ATP9B: variants seen among roughly 807,000 people sequenced by gnomAD.
The protein encoded by ATP9B is probable phospholipid-transporting ATPase IIB.
ATP9B carries 110 observed loss-of-function variants against 146.1 expected under a neutral mutation model. The observed-to-expected ratio is 0.75, with a 90% confidence interval of 0.65 to 0.88. The LOEUF is 0.88. Ranked by LOEUF, ATP9B falls within the 40% of genes least tolerant of loss-of-function variation. The pLI, the probability that ATP9B is intolerant of heterozygous loss-of-function variation, is 0.00. For missense variants in ATP9B, 1,499 were observed against 1,496.4 expected (o/e 1.00, Z -0.03); for synonymous variants, 604 against 569.7 (o/e 1.06, Z -0.86).
chr18:79,109,629 T>C (rs757659101), intron 2 of ATP9B, among the ~76,000 whole-genome samples: 1 of 151,602 alleles, frequency 6.6e-6, no homozygotes, highest in Non-Finnish European at 1.5e-5. Context: ...GCAGTGGCAT[T>C]GTCTTGGCTC....
At chr18:79,154,933 G>A (rs936881551) in intron 7 of ATP9B, among the ~76,000 whole-genome samples, 1 of 152,030 alleles carries the variant, frequency 6.6e-6, no homozygotes, top group East Asian at 1.9e-4. Flanking sequence ...TATTTAAAAG[G>A]GTGTTTGCTG....
At chr18:79,184,525 A>T (rs2095286082) in intron 8 of ATP9B, among the ~76,000 whole-genome samples, 1 of 152,010 alleles carries the variant, frequency 6.6e-6, no homozygotes, top group Non-Finnish European at 1.5e-5. Context: ...TTGTGAAATA[A>T]GTCTGTTCTA....
chr18:79,225,747 G>A (rs2095725351), intron 11 of ATP9B, among the ~76,000 whole-genome samples: 1 of 133,602 alleles, frequency 7.5e-6, no homozygotes, highest in African/African-American at 3.3e-5. Context: ...CTTGGGTCCC[G>A]CAGTCGCAGG....
At chr18:79,241,226 G>A (rs1043513854) in intron 11 of ATP9B, among the ~76,000 whole-genome samples, 1 of 152,006 alleles carries the variant, frequency 6.6e-6, no homozygotes, top group Non-Finnish European at 1.5e-5. Flanking sequence ...TTTTGACTGC[G>A]TTTTTTTCTC....
At chr18:79,327,597 C>CCTCCCTGGTTAGCGTGCT (rs1568698133) in intron 15 of ATP9B, among the ~76,000 whole-genome samples, 1 of 66,174 alleles carries the variant, frequency 1.5e-5, no homozygotes, top group African/African-American at 6.3e-5. Context: ...GTTAACGTGC[C>CCTCCCTGGTTAGCGTGCT]CTCCGTGGTT....
intron 4 of ATP9B, among the ~76,000 whole-genome samples, chr18:79,118,405 T>G (rs951539939): frequency 5.1e-5 from 7 of 136,298 alleles, no homozygotes; most frequent in African/African-American, 1.4e-4. Context: ...TTTTTTTTTT[T>G]TTTTTTTTTT....
At position 79,256,286 on chromosome 18, in the gene ATP9B, T is replaced by TATATATATACACACACAC. The variant is rs398033647; in HGVS notation, c.1268+2746_1268+2747insTATATATACACACACACA. 1.2e-3 allele frequency among the ~76,000 whole-genome samples: 153 copies of TATATATATACACACACAC among 123,052 alleles called. 3 individuals carry two copies. The highest frequency in any genetic ancestry group is 4.3e-3 in the Admixed American group (53 of 12,430). 80.7% of individuals were successfully genotyped at this position (123,052 alleles called of 152,430 possible). On this transcript the variant is annotated intron_variant, in intron 12 of 29. Transcript: ENST00000426216. ...ATATATATATATATATATATATATA[T>TATATATATACACACACAC]ACATACATAGTGAGGCTATGTTATT... is the stretch of plus-strand genomic sequence containing the variant.
intron 13 of ATP9B, among the ~76,000 whole-genome samples, chr18:79,284,287 T>C (rs2145918872): frequency 6.6e-6 from 1 of 152,286 alleles, no homozygotes; most frequent in African/African-American, 2.4e-5. Flanking sequence ...ATGAGTAGCC[T>C]TACTGGTTCT....
intron 10 of ATP9B, 150 bp downstream of exon 10, chr18:79,207,162 A>G (rs1253135912): frequency 1.4e-6 from 1 of 703,676 alleles, no homozygotes; most frequent in Non-Finnish European, 2.4e-6. Context: ...GGTCTGAGAC[A>G]GTCCTGGGAG....
chr18:79,292,478 T>TTAAGAC (rs140074244), intron 13 of ATP9B, among the ~76,000 whole-genome samples: 2,309 of 152,314 alleles, frequency 0.015, 59 homozygotes, highest in African/African-American at 0.053. Context: ...TTTCATTGTG[T>TTAAGAC]TAAGACGGCA....
chr18:79,162,042 T>C (rs540848425), intron 7 of ATP9B, among the ~76,000 whole-genome samples: 19 of 152,376 alleles, frequency 1.2e-4, no homozygotes, highest in Middle Eastern at 3.4e-3. Flanking sequence ...AGACTACAAA[T>C]GTACTGAATT....
At chr18:79,329,519 A>G (rs778795737) in intron 16 of ATP9B, among the ~76,000 whole-genome samples, 3 of 152,038 alleles carry the variant, frequency 2.0e-5, no homozygotes, top group Non-Finnish European at 4.4e-5. Context: ...TCCTAAGTCA[A>G]CCTAGCCAGA....
chr18:79,171,043 G>T (rs573192931), intron 7 of ATP9B, among the ~76,000 whole-genome samples: 1 of 152,274 alleles, frequency 6.6e-6, no homozygotes, highest in African/African-American at 2.4e-5. Context: ...CTTTGCTAAT[G>T]AGCATATTTT....
In ATP9B at chr18:79,345,507, C is replaced by T. The variant is rs1422230460; in HGVS notation, c.2552C>T (p.Pro851Leu). The T allele has an allele frequency of 6.2e-7, 1 of 1,613,156 alleles. No individual in the cohort carries two copies. The highest frequency in any genetic ancestry group is 1.3e-5 in the African/African-American group (1 of 75,050). The change falls in exon 22 of 30, where the codon CCC (proline) becomes CTC (leucine). Residue 851 changes from proline to leucine, a missense_variant. By Grantham distance (98) the Pro-to-Leu change is moderately conservative. Coordinates refer to ENST00000426216, the MANE Select transcript of ATP9B (RefSeq NM_198531.5). Reference protein sequence around the residue: ...CPAVVCCRCSPTQKARIVTLL... With the variant: ...CPAVVCCRCSLTQKARIVTLL... ...GCCGTGGTTTGCTGCCGCTGCTCACCCACCCAGAAGGCCCGCATTGTGACA... is the reference window on the plus strand; with the variant it reads ...GCCGTGGTTTGCTGCCGCTGCTCACTCACCCAGAAGGCCCGCATTGTGACA...
At chr18:79,171,057 T>G (rs1007468666) in intron 7 of ATP9B, among the ~76,000 whole-genome samples, 1 of 152,236 alleles carries the variant, frequency 6.6e-6, no homozygotes, top group African/African-American at 2.4e-5. Flanking sequence ...ATATTTTGTT[T>G]AGTCTAATTG....
chr18:79,337,236 C>A, intron 18 of ATP9B, 43 bp from the exon 19 acceptor site: 1 of 1,607,772 alleles, frequency 6.2e-7, no homozygotes. Flanking sequence ...CCACACACAG[C>A]ACGTACACGT....
intron 2 of ATP9B, among the ~76,000 whole-genome samples, chr18:79,101,332 TA>T (rs537604321): frequency 2.2e-3 from 336 of 152,338 alleles, no homozygotes; most frequent in Non-Finnish European, 2.1e-3. Context: ...AAAATTGTTC[TA>T]TTTTTTTTCC....
chr18:79,071,315 A>G (rs2071745166), intron 1 of ATP9B, among the ~76,000 whole-genome samples: 1 of 150,860 alleles, frequency 6.6e-6, no homozygotes, highest in African/African-American at 2.4e-5. Flanking sequence ...CAGTCATCAA[A>G]TATGGTTTAT....
chr18:79,119,069 T>TCAAAAAAAA (rs1275458712), intron 4 of ATP9B, among the ~76,000 whole-genome samples: 408 of 148,218 alleles, frequency 2.8e-3, no homozygotes, highest in South Asian at 0.015. Flanking sequence ...AGACCGTGTC[T>TCAAAAAAAA]TAAAAAAAAA....
Sources: allele counts gnomAD v4.1 joint callset (sites outside exome capture counted in the v4.1 genomes callset), GRCh38; gene constraint gnomAD v4.1.1; transcripts MANE v1.5; gene names NCBI Gene and HGNC (gene_info 2026-07-23, HGNC 2026-07-21).